SDK1: variants seen among roughly 807,000 people sequenced by gnomAD.
SDK1 encodes the protein sidekick cell adhesion molecule 1, also known as protein sidekick-1.
Under a neutral mutation model 245.5 loss-of-function variants are expected in SDK1, and 157 were observed. That is an observed-to-expected ratio of 0.64 (90% confidence interval 0.56 to 0.73). The LOEUF (loss-of-function observed/expected upper bound fraction) is 0.73, where lower values mean the gene tolerates loss of function less well. Among genes scored for constraint, SDK1 ranks in the 30% least tolerant of loss-of-function variants. SDK1 has a pLI of 0.00. For missense variants in SDK1, 3,583 were observed against 3,002.3 expected (o/e 1.19, Z -4.52); for synonymous variants, 1,647 against 1,278.5 (o/e 1.29, Z -6.15).
chr7:3,603,003 A>C (rs1781298600), intron 1 of SDK1, among the ~76,000 whole-genome samples: 1 of 152,078 alleles, frequency 6.6e-6, no homozygotes, highest in South Asian at 2.1e-4. Flanking sequence ...TACATGCAGC[A>C]TTATTTCTGA....
chr7:4,144,292 G>A (rs186457012), intron 28 of SDK1, among the ~76,000 whole-genome samples: 176 of 152,252 alleles, frequency 1.2e-3, no homozygotes, highest in Middle Eastern at 6.8e-3. Flanking sequence ...CAGAACTCCC[G>A]GTCCCCATTG....
At chr7:3,601,657 CA>C (rs1461537541) in intron 1 of SDK1, among the ~76,000 whole-genome samples, 12 of 151,280 alleles carry the variant, frequency 7.9e-5, no homozygotes, top group African/African-American at 2.9e-4. Flanking sequence ...GCTTTCTTAT[CA>C]ATTTATTTAT....
chr7:3,834,256 C>T (rs1231801760), intron 5 of SDK1, among the ~76,000 whole-genome samples: 4 of 152,212 alleles, frequency 2.6e-5, no homozygotes, highest in Non-Finnish European at 5.9e-5. Flanking sequence ...AAACGCTGAG[C>T]GTCTGATACT....
At chr7:3,860,365 A>G (rs1347786621) in intron 5 of SDK1, among the ~76,000 whole-genome samples, 1 of 152,214 alleles carries the variant, frequency 6.6e-6, no homozygotes, top group Non-Finnish European at 1.5e-5. Context: ...GGATTTGACA[A>G]GAAGGTTGAT....
At chr7:4,119,412 AC>A (rs939355609) in intron 25 of SDK1, among the ~76,000 whole-genome samples, 14 of 148,436 alleles carry the variant, frequency 9.4e-5, no homozygotes, top group African/African-American at 3.2e-4. Flanking sequence ...CTACGATCAT[AC>A]CCCTGCACTG....
chr7:4,106,576 G>A (rs1031280462), intron 22 of SDK1, among the ~76,000 whole-genome samples: 3 of 152,140 alleles, frequency 2.0e-5, no homozygotes, highest in East Asian at 1.9e-4. Flanking sequence ...GATTACAGGC[G>A]TGAGCCACCG....
chr7:3,977,996 G>A (rs982580145), intron 13 of SDK1, among the ~76,000 whole-genome samples: 4 of 152,048 alleles, frequency 2.6e-5, no homozygotes, highest in Non-Finnish European at 2.9e-5. Flanking sequence ...AGCTCAGGTC[G>A]TTCTACCAAA....
At chr7:3,626,099 A>G (rs1782111748) in intron 2 of SDK1, among the ~76,000 whole-genome samples, 1 of 150,942 alleles carries the variant, frequency 6.6e-6, no homozygotes, top group South Asian at 2.1e-4. Context: ...GGGTGCCACC[A>G]CAACTAGCTA....
intron 4 of SDK1, among the ~76,000 whole-genome samples, chr7:3,799,598 G>A (rs553145296): frequency 2.0e-4 from 31 of 151,632 alleles, no homozygotes; most frequent in African/African-American, 5.6e-4. Flanking sequence ...CCAGCTACTC[G>A]GGAGGCTGAG....
At chr7:4,199,067 G>C (rs1042031067) in intron 35 of SDK1, among the ~76,000 whole-genome samples, 2 of 152,024 alleles carry the variant, frequency 1.3e-5, no homozygotes, top group Non-Finnish European at 2.9e-5. Flanking sequence ...CACCCTCCTC[G>C]GCCTCCCAAA....
chr7:3,848,413 G>A lies in SDK1; in HGVS notation c.847+26830G>A, dbSNP rs76481204. Among the ~76,000 whole-genome samples the A allele has an allele frequency of 9.0e-3, 1,365 of 152,276 alleles. 21 individuals carry two copies. Among genetic ancestry groups the A allele is most frequent in the African/African-American group, 0.031 (1,287 of 41,558 alleles). On this transcript the variant is annotated intron_variant, in intron 5 of 44. Transcript: ENST00000404826. Reference sequence around the variant, plus strand: ...GTCCTTCAGATGCAGGATGACAGGAGCCTTCTCTTGTTAAAGTAGGAGGAG... The same window carrying A: ...GTCCTTCAGATGCAGGATGACAGGAACCTTCTCTTGTTAAAGTAGGAGGAG...
intron 1 of SDK1, among the ~76,000 whole-genome samples, chr7:3,608,877 A>G (rs1313338554): frequency 1.3e-5 from 2 of 152,210 alleles, no homozygotes; most frequent in African/African-American, 4.8e-5. Context: ...TGAAAAGGCA[A>G]TTAAAATACT....
chr7:3,516,118 C>CCT (rs1782740672), intron 1 of SDK1, among the ~76,000 whole-genome samples: 1 of 140,006 alleles, frequency 7.1e-6, no homozygotes, highest in Non-Finnish European at 1.6e-5. Context: ...AAGATATTTT[C>CCT]TTTTTTTTTT....
At chr7:3,677,423 C>G (rs1783939459) in intron 4 of SDK1, among the ~76,000 whole-genome samples, 1 of 152,144 alleles carries the variant, frequency 6.6e-6, no homozygotes. Context: ...ACAATCATGG[C>G]TGAAGGTGAA....
chr7:3,853,477 A>T (rs1394730657), intron 5 of SDK1, among the ~76,000 whole-genome samples: 1 of 152,228 alleles, frequency 6.6e-6, no homozygotes, highest in Non-Finnish European at 1.5e-5. Context: ...TTTTATAATT[A>T]AATTTTATAT....
intron 5 of SDK1, among the ~76,000 whole-genome samples, chr7:3,906,256 TTTAA>T (rs1435575747): frequency 2.0e-5 from 3 of 152,238 alleles, no homozygotes; most frequent in East Asian, 1.9e-4. Context: ...TTGTTAGAAC[TTTAA>T]TTATTTTATG....
intron 4 of SDK1, among the ~76,000 whole-genome samples, chr7:3,754,481 G>A (rs1454625848): frequency 1.3e-5 from 2 of 152,096 alleles, no homozygotes; most frequent in African/African-American, 4.8e-5. Flanking sequence ...TCAGCCTTTG[G>A]AGATATTCTA....
At chr7:3,429,164 A>G (rs897247955) in intron 1 of SDK1, among the ~76,000 whole-genome samples, 2 of 152,226 alleles carry the variant, frequency 1.3e-5, no homozygotes, top group African/African-American at 2.4e-5. Context: ...TCAGGGTACA[A>G]GAGAACTGAG....
At chr7:4,211,703 G>A (rs1359344582) in intron 38 of SDK1, among the ~76,000 whole-genome samples, 6 of 152,142 alleles carry the variant, frequency 3.9e-5, no homozygotes, top group South Asian at 2.1e-4. Flanking sequence ...TCCGCCTCCC[G>A]GGTTCGCACC....
Sources: allele counts gnomAD v4.1 joint callset (sites outside exome capture counted in the v4.1 genomes callset), GRCh38; gene constraint gnomAD v4.1.1; transcripts MANE v1.5; gene names NCBI Gene and HGNC (gene_info 2026-07-23, HGNC 2026-07-21).